Variants in LRRC4C observed in about 807,000 individuals in gnomAD.
LRRC4C encodes leucine-rich repeat-containing protein 4C.
In LRRC4C, 5 loss-of-function variants were observed where a neutral mutation model predicts 33.6. That is an observed-to-expected ratio of 0.15 (90% confidence interval 0.08 to 0.31). LRRC4C has a LOEUF of 0.31. Ranked by LOEUF, LRRC4C falls within the 10% of genes least tolerant of loss-of-function variation. LRRC4C has a pLI of 1.00. For missense variants in LRRC4C, 560 were observed against 796.7 expected, an observed-to-expected ratio of 0.70 and a Z score of 3.58; for synonymous variants, 329 against 302.0, an observed-to-expected ratio of 1.09 and a Z score of -0.93.
At position 40,480,067 on chromosome 11, in the gene LRRC4C, A is replaced by G. The variant is rs553454957; in HGVS notation, c.-269-160346T>C. Reference sequence around the variant, plus strand: ...CAATTAAGCTGAAAGCAGGACAAGCACTAAAGCAAACTGAAGTACCATAAG... The same window carrying G: ...CAATTAAGCTGAAAGCAGGACAAGCGCTAAAGCAAACTGAAGTACCATAAG... On this transcript the variant is annotated intron_variant, in intron 3 of 6. Coordinates refer to ENST00000528697, the MANE Select transcript of LRRC4C (RefSeq NM_001258419.2). Among the ~76,000 whole-genome samples the G allele has an allele frequency of 2.0e-5, 3 of 152,292 alleles. No homozygotes were observed. The East Asian group carries it at 5.8e-4, about 29-fold the overall frequency.
chr11:41,276,280 CTTGAG>C (rs935498826), intron 1 of LRRC4C, among the ~76,000 whole-genome samples: 27 of 152,096 alleles, frequency 1.8e-4, no homozygotes, highest in African/African-American at 6.5e-4. Flanking sequence ...TACAGATGTC[CTTGAG>C]TTATTTCTCC....
At position 40,712,422 on chromosome 11, in the gene LRRC4C, C is replaced by T. The variant is rs116357408; in HGVS notation, c.-406-64144G>A. ...AAGAACTAAAAGTTAAACCTACATG[C>T]CACAAAATATTTTTGAAAAAGGTAA... On this transcript the variant is annotated intron_variant, in intron 2 of 6. Transcript: ENST00000528697. 7.4e-3 allele frequency among the ~76,000 whole-genome samples: 1,123 copies of T among 152,156 alleles called. 21 individuals carry two copies. The highest frequency in any genetic ancestry group is 0.026 in the African/African-American group (1,089 of 41,506).
chr11:41,403,589 G>A (rs1431770730), intron 1 of LRRC4C, among the ~76,000 whole-genome samples: 1 of 151,998 alleles, frequency 6.6e-6, no homozygotes, highest in Non-Finnish European at 1.5e-5. Flanking sequence ...TGTTGTGCCA[G>A]GCAATGACAA....
chr11:40,245,977 T>C (rs1332452906), intron 4 of LRRC4C, among the ~76,000 whole-genome samples: 1 of 151,526 alleles, frequency 6.6e-6, no homozygotes, highest in Non-Finnish European at 1.5e-5. Context: ...CCTAACTTTT[T>C]TTTTTTTTTT....
intron 2 of LRRC4C, among the ~76,000 whole-genome samples, chr11:40,664,347 C>G (rs1481043578): frequency 6.6e-6 from 1 of 152,070 alleles, no homozygotes; most frequent in Non-Finnish European, 1.5e-5. Flanking sequence ...GAGTTCGAGA[C>G]CAGCCTGGCC....
chr11:41,101,285 T>A (rs1374877344), intron 1 of LRRC4C, among the ~76,000 whole-genome samples: 1 of 151,892 alleles, frequency 6.6e-6, no homozygotes, highest in Non-Finnish European at 1.5e-5. Context: ...AAGTCCAGCA[T>A]CTATAAGGAA....
intron 3 of LRRC4C, among the ~76,000 whole-genome samples, chr11:40,385,460 G>A (rs1453395487): frequency 6.6e-6 from 1 of 152,060 alleles, no homozygotes; most frequent in Non-Finnish European, 1.5e-5. Context: ...AATACCACAT[G>A]TTCTCACTTA....
In LRRC4C at chr11:40,115,767, G is replaced by A. The variant is rs1394680745; in HGVS notation, c.526C>T (p.Arg176Ter). The A allele has an allele frequency of 6.2e-7, 1 of 1,614,070 alleles. No homozygotes were observed. Reference protein sequence around the residue: ...YAFNRIPSLRRLDLGELKRLS... With the variant: ...YAFNRIPSLR ...CTTTTCAATTCCCCTAAGTCTAGTC[G>A]GCGCAAAGAAGGAATTCTGTTAAAA... is the stretch of plus-strand genomic sequence containing the variant. Residue 176 changes from arginine (R) to a stop codon, truncating the protein, a stop_gained, in exon 7 of 7, where the codon CGA (arginine) becomes TGA (stop). Transcript: ENST00000528697. LOFTEE classifies it high-confidence loss of function. The surrounding 1 kb of genome is among the most constrained non-coding windows in gnomAD (Gnocchi z 6.7).
At chr11:41,339,863 CTATT>C (rs1212736531) in intron 1 of LRRC4C, among the ~76,000 whole-genome samples, 1 of 152,080 alleles carries the variant, frequency 6.6e-6, no homozygotes, top group Non-Finnish European at 1.5e-5. Context: ...AGAGTATTTC[CTATT>C]TATTGAGTCA....
intron 1 of LRRC4C, among the ~76,000 whole-genome samples, chr11:41,021,661 G>C (rs1055957624): frequency 6.6e-6 from 1 of 152,036 alleles, no homozygotes; most frequent in African/African-American, 2.4e-5. Context: ...CTATGGTTCA[G>C]ATAACGAAAG....
chr11:41,344,680 T>A (rs1951749165), intron 1 of LRRC4C, among the ~76,000 whole-genome samples: 1 of 152,226 alleles, frequency 6.6e-6, no homozygotes, highest in Admixed American at 6.5e-5. Context: ...CAAGATTATT[T>A]AAGATTTTGT....
At chr11:41,275,457 T>C (rs1443881176) in intron 1 of LRRC4C, among the ~76,000 whole-genome samples, 1 of 152,200 alleles carries the variant, frequency 6.6e-6, no homozygotes, top group Non-Finnish European at 1.5e-5. Context: ...TTATTGTCCT[T>C]TCAAACACAG....
chr11:41,245,566 T>C lies in LRRC4C; in HGVS notation c.-496+213865A>G, dbSNP rs1009505537. 9.2e-5 allele frequency among the ~76,000 whole-genome samples: 14 copies of C among 152,196 alleles called. 1 individual carries two copies. The highest frequency in any genetic ancestry group is 1.3e-4 in the Admixed American group (2 of 15,284). On this transcript the variant is annotated intron_variant, in intron 1 of 6. Transcript: ENST00000528697. ...CTGAAAGCTTGGAGATGACAGGAACTGACAGGAGCCCCAAAGAAGGTGTCA... is the reference window on the plus strand; with the variant it reads ...CTGAAAGCTTGGAGATGACAGGAACCGACAGGAGCCCCAAAGAAGGTGTCA...
intron 1 of LRRC4C, among the ~76,000 whole-genome samples, chr11:41,360,250 G>A (rs533441450): frequency 2.0e-5 from 3 of 151,902 alleles, no homozygotes; most frequent in Non-Finnish European, 4.4e-5. Context: ...TCTCCATCCC[G>A]GACACCTCAA....
chr11:40,690,384 C>T (rs907989951), intron 2 of LRRC4C, among the ~76,000 whole-genome samples: 4 of 152,078 alleles, frequency 2.6e-5, no homozygotes, highest in Admixed American at 1.3e-4. Flanking sequence ...GAAGGCCACC[C>T]AAATGAGAAC....
At chr11:40,534,157 C>T (rs1375202010) in intron 3 of LRRC4C, among the ~76,000 whole-genome samples, 1 of 152,044 alleles carries the variant, frequency 6.6e-6, no homozygotes. Context: ...GTTTACTGCT[C>T]AGAATGGTTG....
At chr11:41,164,732 A>C (rs1187984245) in intron 1 of LRRC4C, among the ~76,000 whole-genome samples, 1 of 152,152 alleles carries the variant, frequency 6.6e-6, no homozygotes, top group African/African-American at 2.4e-5. Context: ...CAGGGCTTGC[A>C]TGTCTGACAT....
At chr11:40,778,948 A>G (rs1950114938) in intron 2 of LRRC4C, among the ~76,000 whole-genome samples, 2 of 152,220 alleles carry the variant, frequency 1.3e-5, no homozygotes, top group Admixed American at 1.3e-4. Flanking sequence ...AACCTGTTGC[A>G]GCATTTTAGG....
intron 2 of LRRC4C, among the ~76,000 whole-genome samples, chr11:40,899,764 T>C (rs2136180096): frequency 6.6e-6 from 1 of 152,056 alleles, no homozygotes; most frequent in East Asian, 1.9e-4. Flanking sequence ...ATAAGAAAAA[T>C]GATGGAAACA....
Sources: gnomAD v4.1 joint callset for allele counts (sites outside exome capture counted in the v4.1 genomes callset) on GRCh38, gnomAD v4.1.1 for gene constraint, Gnocchi (gnomAD v3.1) non-coding constraint, MANE v1.5 for transcripts, NCBI Gene and HGNC (gene_info 2026-07-23, HGNC 2026-07-21) for gene names.